Variants in FBXL17 observed in about 807,000 individuals in gnomAD.
The protein encoded by FBXL17 is F-box/LRR-repeat protein 17.
A neutral mutation model predicts 66.2 loss-of-function variants in FBXL17; 22 were observed. The observed-to-expected ratio is 0.33, with a 90% CI of 0.24 to 0.47. The LOEUF is 0.47. Among genes scored for constraint, FBXL17 ranks in the 20% least tolerant of loss-of-function variants. The pLI is 1.00. For synonymous variants in FBXL17, 474 were observed against 400.5 expected (o/e 1.18, Z -2.19); for missense variants, 878 against 948.2 (o/e 0.93, Z 0.97).
At chr5:108,192,653 A>G (rs967688882) in intron 5 of FBXL17, among the ~76,000 whole-genome samples, 4 of 152,094 alleles carry the variant, frequency 2.6e-5, no homozygotes, top group Non-Finnish European at 5.9e-5. Context: ...TTAGCCAGGC[A>G]TGGTCAGGCG....
At chr5:108,231,454 ATGTAAGGTTT>A (rs1184164356) in intron 4 of FBXL17, among the ~76,000 whole-genome samples, 6 of 152,254 alleles carry the variant, frequency 3.9e-5, no homozygotes, top group Admixed American at 3.3e-4. Context: ...TCTTTCACTA[ATGTAAGGTTT>A]TGAGGTTTAT....
intron 6 of FBXL17, among the ~76,000 whole-genome samples, chr5:108,067,935 G>A (rs929985908): frequency 3.9e-5 from 6 of 152,132 alleles, no homozygotes; most frequent in Non-Finnish European, 8.8e-5. Context: ...CTAACAAATC[G>A]TGTGGTGAGA....
intron 6 of FBXL17, among the ~76,000 whole-genome samples, chr5:108,104,732 A>G (rs1749725958): frequency 6.6e-6 from 1 of 152,252 alleles, no homozygotes; most frequent in Non-Finnish European, 1.5e-5. Context: ...ACAACAACAT[A>G]TATGGGATAT....
chr5:108,240,151 G>GA (rs1000246800), intron 4 of FBXL17, among the ~76,000 whole-genome samples: 5 of 152,024 alleles, frequency 3.3e-5, no homozygotes, highest in East Asian at 3.9e-4. Context: ...TGGCTATAGG[G>GA]AAAAAAACTC....
intron 6 of FBXL17, among the ~76,000 whole-genome samples, chr5:108,122,961 C>T (rs975048071): frequency 6.6e-6 from 1 of 151,958 alleles, no homozygotes; most frequent in Non-Finnish European, 1.5e-5. Context: ...ACCGCCAACA[C>T]ATGACCTTAA....
At chr5:108,116,759 T>C (rs1750274711) in intron 6 of FBXL17, among the ~76,000 whole-genome samples, 2 of 152,118 alleles carry the variant, frequency 1.3e-5, no homozygotes, top group Non-Finnish European at 2.9e-5. Context: ...CATAATTTCT[T>C]ATCACTCAAA....
intron 6 of FBXL17, among the ~76,000 whole-genome samples, chr5:108,126,649 C>CTATATA (rs1446212605): frequency 6.8e-4 from 54 of 79,764 alleles, no homozygotes; most frequent in African/African-American, 1.8e-3. Context: ...CTCTCTCTCT[C>CTATATA]TCTATATATA....
intron 4 of FBXL17, among the ~76,000 whole-genome samples, chr5:108,230,035 G>A (rs1298829972): frequency 1.3e-5 from 2 of 152,106 alleles, no homozygotes; most frequent in African/African-American, 4.8e-5. Flanking sequence ...CCTTAGTCCT[G>A]CAAAAATGAC....
intron 7 of FBXL17, among the ~76,000 whole-genome samples, chr5:107,892,764 A>G (rs1749237418): frequency 6.6e-6 from 1 of 152,192 alleles, no homozygotes; most frequent in Non-Finnish European, 1.5e-5. Flanking sequence ...CAACCAGTAC[A>G]GTTGTAACTC....
chr5:107,949,128 T>A (rs1751410726), intron 7 of FBXL17, among the ~76,000 whole-genome samples: 1 of 150,172 alleles, frequency 6.7e-6, no homozygotes, highest in Non-Finnish European at 1.5e-5. Context: ...TTTAGGTGAA[T>A]GGCAAGTAGC....
chr5:108,082,581 T>C (rs1248897758), intron 6 of FBXL17, among the ~76,000 whole-genome samples: 2 of 152,242 alleles, frequency 1.3e-5, no homozygotes, highest in East Asian at 3.9e-4. Context: ...TCTTCTGTTT[T>C]TTCAACTTTT....
At chr5:108,347,563 C>G (rs1050906484) in intron 4 of FBXL17, among the ~76,000 whole-genome samples, 1 of 152,126 alleles carries the variant, frequency 6.6e-6, no homozygotes, top group African/African-American at 2.4e-5. Flanking sequence ...AAACATCATG[C>G]TGAGACACCA....
intron 6 of FBXL17, among the ~76,000 whole-genome samples, chr5:108,127,521 A>G (rs2149972516): frequency 6.6e-6 from 1 of 152,326 alleles, no homozygotes; most frequent in East Asian, 1.9e-4. Flanking sequence ...TTATCGACAC[A>G]TAATGGTTGT....
chr5:108,071,152 C>T (rs2112862801), intron 6 of FBXL17, among the ~76,000 whole-genome samples: 1 of 152,318 alleles, frequency 6.6e-6, no homozygotes, highest in South Asian at 2.1e-4. Flanking sequence ...GGTTGCATTG[C>T]AGCGATGAAC....
At chr5:108,378,010 A>G (rs1199385236) in intron 1 of FBXL17, among the ~76,000 whole-genome samples, 2 of 152,232 alleles carry the variant, frequency 1.3e-5, no homozygotes, top group Admixed American at 6.5e-5. Flanking sequence ...TGTTTATCCA[A>G]GTGAAGAAAT....
intron 7 of FBXL17, among the ~76,000 whole-genome samples, chr5:107,981,247 A>G (rs909939917): frequency 1.3e-5 from 2 of 152,234 alleles, no homozygotes; most frequent in East Asian, 1.9e-4. Context: ...ATGGAGAACC[A>G]GGGGTGAAAA....
chr5:107,959,300 T>C (rs1204445492), intron 7 of FBXL17, among the ~76,000 whole-genome samples: 1 of 152,076 alleles, frequency 6.6e-6, no homozygotes, highest in Non-Finnish European at 1.5e-5. Flanking sequence ...GTACCTTATA[T>C]ATTTTCAATT....
intron 6 of FBXL17, among the ~76,000 whole-genome samples, chr5:108,107,782 G>A (rs1275441349): frequency 2.6e-4 from 38 of 147,042 alleles, no homozygotes; most frequent in Admixed American, 2.1e-3. Context: ...ACTGCACTCC[G>A]GCCTGGGCAA....
intron 4 of FBXL17, among the ~76,000 whole-genome samples, chr5:108,270,954 CCCTTT>C (rs763039802): frequency 9.2e-5 from 14 of 152,048 alleles, no homozygotes; most frequent in Non-Finnish European, 1.6e-4. Context: ...TCATCTCTCC[CCCTTT>C]CCCCCTCTCC....
Sources: allele counts gnomAD v4.1 joint callset (sites outside exome capture counted in the v4.1 genomes callset), GRCh38; gene constraint gnomAD v4.1.1; transcripts MANE v1.5; gene names NCBI Gene and HGNC (gene_info 2026-07-23, HGNC 2026-07-21).